The following SLC7A2 variants were observed in gnomAD, a reference collection of about 807,000 sequenced individuals.
SLC7A2 encodes the protein cationic amino acid transporter 2.
In SLC7A2, 48 loss-of-function variants were observed where a neutral mutation model predicts 58.9. The observed-to-expected ratio is 0.82, with a 90% CI of 0.65 to 1.04. The LOEUF is 1.04. Ranked by LOEUF, SLC7A2 falls within the 50% of genes least tolerant of loss-of-function variation. SLC7A2 has a pLI of 0.00. For missense variants in SLC7A2, 1,029 were observed against 818.8 expected (o/e 1.26, Z -3.13); for synonymous variants, 363 against 314.5 (o/e 1.15, Z -1.63).
rs769324933 is a variant in SLC7A2 at position 17,554,674 on chromosome 8, T to C, written c.1170T>C (p.Ala390=). 5 of 1,612,044 alleles carry C rather than the reference T, an allele frequency of 3.1e-6. No individual in the cohort carries two copies. The South Asian group carries it at 4.4e-5, about 14-fold the overall frequency. The change falls in exon 8 of 13, where the codon GCT becomes GCC. Residue 390 remains alanine (A), a synonymous_variant. Coordinates refer to ENST00000494857, the MANE Select transcript of SLC7A2 (RefSeq NM_001370338.1). Reference sequence around the variant, plus strand: ...CCAAAACGAAGACACCAATAATTGCTACTTTATCATCGGGTGCAGTGGCAG... The same window carrying C: ...CCAAAACGAAGACACCAATAATTGCCACTTTATCATCGGGTGCAGTGGCAG... ...INSKTKTPII[A]TLSSGAVAAL...
rs1302625792 is a variant in SLC7A2 at position 17,543,393 on chromosome 8, A to T, written c.54A>T (p.Lys18Asn). The T allele has an allele frequency of 6.2e-7, 1 of 1,614,102 alleles. No individual in the cohort carries two copies. The change falls in exon 3 of 13, where the codon AAA becomes AAT. Residue 18 changes from lysine to asparagine, a missense_variant. Physicochemically the swap from Lys to Asn is moderately conservative, Grantham distance 94. Transcript: ENST00000494857. Reference protein sequence around the residue: ...LTFARCLIRRKIVTLDSLEDT... With the variant: ...LTFARCLIRRNIVTLDSLEDT... ...TTGCCCGATGTCTGATCCGGAGAAA[A>T]ATCGTGACCCTGGACAGTCTAGAAG...
chr8:17,548,599 C>A, intron 4 of SLC7A2, 79 bp from the exon 5 acceptor site: 2 of 994,504 alleles, frequency 2.0e-6, no homozygotes, highest in Non-Finnish European at 3.1e-6. Flanking sequence ...GAAATAATAT[C>A]CTAAAGTCAT....
chr8:17,563,579 C>G lies in SLC7A2; in HGVS notation c.1672-24C>G, dbSNP rs374603717. 4.2e-6 allele frequency: 6 copies of G among 1,432,058 alleles called. No individual in the cohort carries two copies. The African/African-American group carries it at 8.5e-5, about 20-fold the overall frequency. The allele number at this position is 1,432,058 out of a possible 1,614,324, so 88.7% of individuals were successfully genotyped here. ...ATATGCTTCAAAATATGAGTATGTT[C>G]AAAAGGATTGTTTTCCCCCTCAGGT... On this transcript the variant is annotated intron_variant, in intron 11 of 12. Transcript: ENST00000494857.
intron 2 of SLC7A2, among the ~76,000 whole-genome samples, chr8:17,521,104 A>G (rs1800996600): frequency 6.6e-6 from 1 of 152,170 alleles, no homozygotes; most frequent in African/African-American, 2.4e-5. Flanking sequence ...TAAGGTAACT[A>G]CATTTTCTTC....
At chr8:17,562,158 CT>C in intron 11 of SLC7A2, 48 bp downstream of exon 11, 1 of 952,032 alleles carries the variant, frequency 1.1e-6, no homozygotes, top group Non-Finnish European at 1.5e-6. Flanking sequence ...TTCATTTTCT[CT>C]GTATAATTAG....
intron 2 of SLC7A2, among the ~76,000 whole-genome samples, chr8:17,505,323 A>G (rs565592496): frequency 6.6e-6 from 1 of 152,332 alleles, no homozygotes; most frequent in African/African-American, 2.4e-5. Flanking sequence ...TGTGAGCAGG[A>G]TGGGGCCTTC....
At chr8:17,520,754 A>C (rs956183726) in intron 2 of SLC7A2, 3 of 939,696 alleles carry the variant, frequency 3.2e-6, no homozygotes, top group Admixed American at 1.2e-4. Context: ...CCTTGAGAGG[A>C]ATAAAAGGGT....
upstream of SLC7A2, among the ~76,000 whole-genome samples, chr8:17,494,471 A>C (rs374061124): frequency 6.6e-6 from 1 of 152,184 alleles, no homozygotes; most frequent in African/African-American, 2.4e-5. Context: ...AAGTGATGGC[A>C]ATAAACCAGG....
At chr8:17,522,881 A>G (rs138062963) in intron 2 of SLC7A2, among the ~76,000 whole-genome samples, 4 of 152,036 alleles carry the variant, frequency 2.6e-5, no homozygotes, top group African/African-American at 9.7e-5. Context: ...ATAAAAAAAT[A>G]AAAATATTAG....
chr8:17,569,032 A>T lies in SLC7A2; in HGVS notation c.*3886A>T, dbSNP rs1803395771. On this transcript the variant is annotated 3_prime_UTR_variant, in exon 13 of 13. Coordinates refer to ENST00000494857, the MANE Select transcript of SLC7A2 (RefSeq NM_001370338.1). ...TTTACCTATTTTCTAAATTTATTTA[A>T]ATGCTTAGCAGGAAGCATAAGGAAA... The T allele has an allele frequency of 6.6e-6, 1 of 152,192 alleles. No homozygotes were observed. Among genetic ancestry groups the T allele is most frequent in the Non-Finnish European group, 1.5e-5 (1 of 68,040 alleles). The allele number at this position is 152,192 out of a possible 1,614,324, so 9.4% of individuals were successfully genotyped here.
At chr8:17,529,958 A>T (rs1283154640) in intron 2 of SLC7A2, among the ~76,000 whole-genome samples, 1 of 152,120 alleles carries the variant, frequency 6.6e-6, no homozygotes, top group Non-Finnish European at 1.5e-5. Flanking sequence ...AGTAGCAAAA[A>T]CTACGATTAC....
chr8:17,555,335 CAA>C (rs1802647898), intron 8 of SLC7A2, among the ~76,000 whole-genome samples: 2 of 151,756 alleles, frequency 1.3e-5, no homozygotes, highest in Admixed American at 1.3e-4. Flanking sequence ...TGGGCTCTAA[CAA>C]ATGTACAAAG....
At chr8:17,550,633 G>A (rs1394184812) in intron 6 of SLC7A2, among the ~76,000 whole-genome samples, 199 bp downstream of exon 6, 1 of 152,190 alleles carries the variant, frequency 6.6e-6, no homozygotes, top group East Asian at 1.9e-4. Context: ...CAGTTAGTAA[G>A]TTTGGGAGAG....
chr8:17,542,060 A>G (rs1243934796), intron 2 of SLC7A2, among the ~76,000 whole-genome samples: 3 of 152,198 alleles, frequency 2.0e-5, no homozygotes, highest in Non-Finnish European at 4.4e-5. Context: ...TATAATAAGC[A>G]TGTGTATTTT....
At chr8:17,531,901 T>C (rs1801464791) in intron 2 of SLC7A2, among the ~76,000 whole-genome samples, 2 of 152,062 alleles carry the variant, frequency 1.3e-5, no homozygotes, top group South Asian at 4.1e-4. Flanking sequence ...AATTTCAAAA[T>C]GAGTCTTAAA....
At chr8:17,523,856 C>G (rs188072811) in intron 2 of SLC7A2, among the ~76,000 whole-genome samples, 2 of 152,110 alleles carry the variant, frequency 1.3e-5, no homozygotes, top group East Asian at 1.9e-4. Flanking sequence ...CTTTCACAGT[C>G]TATACATCTG....
intron 2 of SLC7A2, among the ~76,000 whole-genome samples, chr8:17,528,432 C>A (rs1468673931): frequency 6.6e-6 from 1 of 151,842 alleles, no homozygotes; most frequent in Non-Finnish European, 1.5e-5. Context: ...TTGCCCAGGC[C>A]GGAGTGCAGT....
At chr8:17,551,074 C>G (rs1383019716) in intron 6 of SLC7A2, among the ~76,000 whole-genome samples, 1 of 152,184 alleles carries the variant, frequency 6.6e-6, no homozygotes, top group Non-Finnish European at 1.5e-5. Context: ...CCGAATGGCA[C>G]AGCAGTCATT....
intron 2 of SLC7A2, among the ~76,000 whole-genome samples, chr8:17,508,462 G>T (rs1392673383): frequency 3.9e-5 from 6 of 152,158 alleles, no homozygotes; most frequent in Non-Finnish European, 7.3e-5. Context: ...AGTGGCTCAT[G>T]CCTGTAATCC....
Sources: allele counts gnomAD v4.1 joint callset (sites outside exome capture counted in the v4.1 genomes callset), GRCh38; gene constraint gnomAD v4.1.1; transcripts MANE v1.5; gene names NCBI Gene and HGNC (gene_info 2026-07-23, HGNC 2026-07-21).